The following FREM2 variants were observed in gnomAD, a reference collection of about 807,000 sequenced individuals.
The protein encoded by FREM2 is FRAS1-related extracellular matrix protein 2.
In FREM2, 119 loss-of-function variants were observed where a neutral mutation model predicts 219.9. The observed-to-expected ratio is 0.54, with a 90% CI of 0.47 to 0.63. FREM2 has a LOEUF of 0.63. FREM2 is among the 30% of genes least tolerant of loss of function. The probability of loss-of-function intolerance (pLI) is 0.00; values close to 1 mark genes in which losing one functional copy is unlikely to be tolerated. For synonymous variants in FREM2, 1,562 were observed against 1,522.8 expected (o/e 1.03, Z -0.60); for missense variants, 4,030 against 3,993.6 (o/e 1.01, Z -0.25).
intron 4 of FREM2, among the ~76,000 whole-genome samples, chr13:38,775,017 A>G (rs773993627): frequency 3.9e-4 from 60 of 152,232 alleles, no homozygotes; most frequent in Non-Finnish European, 7.6e-4. Flanking sequence ...TTAATGCCAT[A>G]TAATATTTAA....
intron 6 of FREM2, among the ~76,000 whole-genome samples, chr13:38,833,677 G>A (rs1376089043): frequency 6.6e-6 from 1 of 152,044 alleles, no homozygotes; most frequent in Non-Finnish European, 1.5e-5. Context: ...CTTACATTTT[G>A]AGTCCTTTGG....
intron 6 of FREM2, among the ~76,000 whole-genome samples, chr13:38,819,504 C>T (rs1875933053): frequency 2.6e-5 from 4 of 152,140 alleles, no homozygotes; most frequent in Admixed American, 2.6e-4. Flanking sequence ...AATGAGCCCT[C>T]AAATTCATGG....
intron 6 of FREM2, 105 bp from the exon 7 acceptor site, chr13:38,846,468 A>C (rs944642971): frequency 5.2e-6 from 6 of 1,149,174 alleles, no homozygotes; most frequent in Non-Finnish European, 7.7e-6. Flanking sequence ...TGATGATATA[A>C]GGAAGTCCCT....
At chr13:38,733,637 A>T (rs2496452) in intron 2 of FREM2, among the ~76,000 whole-genome samples, 131,401 of 152,088 alleles carry the variant, frequency 0.86, 56,930 homozygotes, top group South Asian at 0.9. Flanking sequence ...CAGCAAGCAG[A>T]TCAAATTCCT....
In FREM2 at chr13:38,779,733, A is replaced by G. The variant is rs561037729; in HGVS notation, c.5642-3337A>G. ...CTTATTCAGGCTTTATTCACCCTCT[A>G]CTTCACTGGAACAGTTCTGGTGAAA... On this transcript the variant is annotated intron_variant, in intron 4 of 23. Transcript: ENST00000280481. 3.9e-4 allele frequency among the ~76,000 whole-genome samples: 59 copies of G among 152,064 alleles called. 1 individual carries two copies. Among genetic ancestry groups the G allele is most frequent in the East Asian group, 1.9e-4 (1 of 5,188 alleles).
intron 23 of FREM2, among the ~76,000 whole-genome samples, chr13:38,879,495 G>A (rs1468253050): frequency 6.6e-6 from 1 of 152,156 alleles, no homozygotes; most frequent in Non-Finnish European, 1.5e-5. Context: ...GGGAAACACA[G>A]GCAGCTGCCA....
At chr13:38,791,228 C>T (rs577103994) in intron 6 of FREM2, among the ~76,000 whole-genome samples, 2 of 152,256 alleles carry the variant, frequency 1.3e-5, no homozygotes, top group East Asian at 1.9e-4. Flanking sequence ...AAAAACTCTT[C>T]GTCGATATGC....
At chr13:38,710,852 T>A (rs186512737) in intron 2 of FREM2, among the ~76,000 whole-genome samples, 1 of 152,366 alleles carries the variant, frequency 6.6e-6, no homozygotes, top group East Asian at 1.9e-4. Flanking sequence ...AATGGAAGCT[T>A]GTGCTTACTT....
At chr13:38,797,342 C>A (rs775291835) in intron 6 of FREM2, among the ~76,000 whole-genome samples, 2 of 151,942 alleles carry the variant, frequency 1.3e-5, no homozygotes, top group African/African-American at 2.4e-5. Flanking sequence ...TTTACATTTC[C>A]CTGATGCTTA....
chr13:38,697,816 C>A, intron 2 of FREM2, 29 bp downstream of exon 2: 1 of 1,258,766 alleles, frequency 7.9e-7, no homozygotes, highest in Non-Finnish European at 1.2e-6. Flanking sequence ...TGGTAGTGAC[C>A]GCAAGGAGAG....
Position 38,851,714 on chromosome 13 carries a change from A to G in FREM2, c.6771A>G (p.Lys2257=), listed in dbSNP as rs1246233268. ...DKTVIKFGET[K]FSVTEPKEPG... The stretch of plus-strand genomic sequence containing the variant: ...CTGTTATTAAATTTGGAGAAACCAA[A>G]TTTAGTGTCACTGAACCCAAAGAAC... Residue 2257 remains lysine, a synonymous_variant, in exon 11 of 24, where the codon AAA becomes AAG. Coordinates refer to ENST00000280481, the MANE Select transcript of FREM2 (RefSeq NM_207361.6). 1 of 1,613,220 alleles carries G rather than the reference A, an allele frequency of 6.2e-7. No individual in the cohort carries two copies. The highest frequency in any genetic ancestry group is 8.5e-7 in the Non-Finnish European group (1 of 1,179,342).
At chr13:38,772,106 C>T (rs1226251040) in intron 4 of FREM2, among the ~76,000 whole-genome samples, 1 of 152,114 alleles carries the variant, frequency 6.6e-6, no homozygotes. Flanking sequence ...AGCCGTTATG[C>T]CTACAAGCTC....
chr13:38,853,276 C>T (rs1448063210), intron 11 of FREM2, among the ~76,000 whole-genome samples: 1 of 139,640 alleles, frequency 7.2e-6, no homozygotes, highest in Non-Finnish European at 1.5e-5. Flanking sequence ...CGAGATCCGC[C>T]ATTACACTCC....
intron 2 of FREM2, among the ~76,000 whole-genome samples, chr13:38,719,482 A>G (rs1871139846): frequency 6.6e-6 from 1 of 152,044 alleles, no homozygotes; most frequent in African/African-American, 2.4e-5. Context: ...TGGCCTCCCA[A>G]AGTGCTGGGA....
intron 16 of FREM2, among the ~76,000 whole-genome samples, chr13:38,867,285 A>G (rs1008213110): frequency 6.6e-6 from 1 of 152,244 alleles, no homozygotes; most frequent in Admixed American, 6.5e-5. Flanking sequence ...GCTAACTTGT[A>G]TGAGTTCCTT....
intron 1 of FREM2, among the ~76,000 whole-genome samples, chr13:38,696,806 T>C (rs1197772395): frequency 6.7e-6 from 1 of 149,002 alleles, no homozygotes; most frequent in Non-Finnish European, 1.5e-5. Context: ...AATAAAGGTT[T>C]CCACTTTTTT....
intron 2 of FREM2, among the ~76,000 whole-genome samples, chr13:38,725,060 A>C (rs1871458667): frequency 1.3e-5 from 2 of 152,254 alleles, no homozygotes; most frequent in Admixed American, 1.3e-4. Context: ...GGAAAGAAAG[A>C]GATAAAGCTA....
At chr13:38,770,044 A>G (rs1425230786) in intron 4 of FREM2, among the ~76,000 whole-genome samples, 1 of 148,160 alleles carries the variant, frequency 6.7e-6, no homozygotes, top group Non-Finnish European at 1.5e-5. Flanking sequence ...TATATAGTAT[A>G]TATAAATTGT....
chr13:38,720,498 A>T (rs1387663249), intron 2 of FREM2, among the ~76,000 whole-genome samples: 1 of 152,232 alleles, frequency 6.6e-6, no homozygotes, highest in Non-Finnish European at 1.5e-5. Context: ...GCCTAGGTTT[A>T]CAAATTCAGA....
Sources: allele counts gnomAD v4.1 joint callset (sites outside exome capture counted in the v4.1 genomes callset), GRCh38; gene constraint gnomAD v4.1.1; transcripts MANE v1.5; gene names NCBI Gene and HGNC (gene_info 2026-07-23, HGNC 2026-07-21).